HTR4: variants seen among roughly 807,000 people sequenced by gnomAD.
HTR4 encodes the protein 5-hydroxytryptamine receptor 4.
In HTR4, 16 loss-of-function variants were observed where a neutral mutation model predicts 36.8. The observed-to-expected ratio is 0.43, with a 90% confidence interval of 0.29 to 0.66. The LOEUF is 0.66. Among genes scored for constraint, HTR4 ranks in the 30% least tolerant of loss-of-function variants. HTR4 has a pLI of 0.13. For synonymous variants in HTR4, 189 were observed against 185.1 expected, an observed-to-expected ratio of 1.02 and a Z score of -0.17; for missense variants, 438 against 490.9, an observed-to-expected ratio of 0.89 and a Z score of 1.02.
At chr5:148,604,376 G>A (rs1752052362) in intron 2 of HTR4, among the ~76,000 whole-genome samples, 1 of 151,934 alleles carries the variant, frequency 6.6e-6, no homozygotes, top group South Asian at 2.1e-4. Flanking sequence ...TAAAAAAAAA[G>A]ATATCAATAC....
intron 2 of HTR4, among the ~76,000 whole-genome samples, chr5:148,565,626 C>A (rs1343383469): frequency 6.6e-6 from 1 of 152,072 alleles, no homozygotes; most frequent in Non-Finnish European, 1.5e-5. Context: ...AAAGGCTCTG[C>A]ATTCTATTCC....
At chr5:148,584,651 G>A (rs1305618815) in intron 2 of HTR4, among the ~76,000 whole-genome samples, 1 of 151,996 alleles carries the variant, frequency 6.6e-6, no homozygotes, top group Non-Finnish European at 1.5e-5. Context: ...TTTTGTTTGG[G>A]GGCACCAATA....
intron 4 of HTR4, among the ~76,000 whole-genome samples, chr5:148,533,928 A>G (rs769609828): frequency 4.6e-5 from 7 of 152,218 alleles, no homozygotes; most frequent in Non-Finnish European, 1.0e-4. Context: ...GCTCTACATT[A>G]TTTAACAAAT....
chr5:148,594,649 C>A (rs1020611813), intron 2 of HTR4, among the ~76,000 whole-genome samples: 3 of 151,936 alleles, frequency 2.0e-5, no homozygotes, highest in African/African-American at 7.3e-5. Context: ...CCCGCAACAC[C>A]GAGGTTACAC....
At chr5:148,598,751 AT>A (rs1208327851) in intron 2 of HTR4, among the ~76,000 whole-genome samples, 2 of 152,336 alleles carry the variant, frequency 1.3e-5, no homozygotes, top group African/African-American at 4.8e-5. Context: ...ACTTTTTAGT[AT>A]TGTGTCAGAC....
At chr5:148,551,157 C>G (rs1430857955) in intron 2 of HTR4, among the ~76,000 whole-genome samples, 1 of 152,096 alleles carries the variant, frequency 6.6e-6, no homozygotes, top group African/African-American at 2.4e-5. Context: ...TGCATTCATA[C>G]AGTTACTTGG....
intron 5 of HTR4, among the ~76,000 whole-genome samples, chr5:148,522,944 A>G (rs1005916254): frequency 9.9e-5 from 15 of 152,168 alleles, no homozygotes; most frequent in Admixed American, 5.9e-4. Flanking sequence ...GGGTGATGCA[A>G]AAACAGACAT....
chr5:148,461,686 C>T (rs963041682), intron 5 of HTR4, among the ~76,000 whole-genome samples: 37 of 151,964 alleles, frequency 2.4e-4, no homozygotes, highest in South Asian at 2.1e-4. Flanking sequence ...TTCAACACTT[C>T]TCTATCATAA....
At chr5:148,476,772 A>C (rs1252783710), downstream of HTR4, 9 of 1,613,278 alleles carry the variant, frequency 5.6e-6, no homozygotes, top group Non-Finnish European at 7.6e-6. Flanking sequence ...AAAAGAACGT[A>C]ATTAATGAAC....
At chr5:148,541,236 T>C (rs1009587035) in intron 4 of HTR4, among the ~76,000 whole-genome samples, 9 of 152,310 alleles carry the variant, frequency 5.9e-5, no homozygotes, top group Admixed American at 2.0e-4. Flanking sequence ...GGTCTCATTC[T>C]TAACCACTTT....
At chr5:148,497,908 T>G (rs1756758963) in intron 6 of HTR4, among the ~76,000 whole-genome samples, 1 of 152,242 alleles carries the variant, frequency 6.6e-6, no homozygotes, top group South Asian at 2.1e-4. Flanking sequence ...CTATGTAACC[T>G]ATATGTCTAG....
At chr5:148,497,396 A>G (rs1161417583) in intron 6 of HTR4, among the ~76,000 whole-genome samples, 2 of 152,226 alleles carry the variant, frequency 1.3e-5, no homozygotes, top group Non-Finnish European at 2.9e-5. Context: ...ATTTTCCTGG[A>G]AGATGATTAT....
At chr5:148,612,293 G>A (rs1561649618) in intron 2 of HTR4, among the ~76,000 whole-genome samples, 1 of 150,552 alleles carries the variant, frequency 6.6e-6, no homozygotes, top group Non-Finnish European at 1.5e-5. Context: ...GCTCTCCTCA[G>A]CAAATGTAAA....
At chr5:148,618,251 C>A (rs1752778275) in intron 2 of HTR4, among the ~76,000 whole-genome samples, 1 of 152,120 alleles carries the variant, frequency 6.6e-6, no homozygotes, top group Non-Finnish European at 1.5e-5. Flanking sequence ...AACTCAAGAA[C>A]CCAAGAGTCA....
chr5:148,543,843 AG>A (rs1759239012), intron 4 of HTR4, among the ~76,000 whole-genome samples: 1 of 152,148 alleles, frequency 6.6e-6, no homozygotes, highest in Admixed American at 6.5e-5. Flanking sequence ...AGAGATGGTG[AG>A]GGCTCCCTTA....
At chr5:148,567,725 C>T (rs13166761) in intron 2 of HTR4, among the ~76,000 whole-genome samples, 35,710 of 151,968 alleles carry the variant, frequency 0.23, 5,094 homozygotes, top group Non-Finnish European at 0.32. Flanking sequence ...CCCTTTTTGT[C>T]TTCACTTAGG....
chr5:148,490,971 T>C, intron 6 of HTR4: 1 of 378,276 alleles, frequency 2.6e-6, no homozygotes. Flanking sequence ...GCATTTACCC[T>C]CTTCTGAACA....
At chr5:148,588,755 T>C in intron 2 of HTR4, among the ~76,000 whole-genome samples, 1 of 151,230 alleles carries the variant, frequency 6.6e-6, no homozygotes, top group Non-Finnish European at 1.5e-5. Flanking sequence ...TTAGCCAGGA[T>C]GGTCTTGATC....
At chr5:148,542,419 A>G (rs1409952364) in intron 4 of HTR4, among the ~76,000 whole-genome samples, 1 of 152,230 alleles carries the variant, frequency 6.6e-6, no homozygotes, top group Non-Finnish European at 1.5e-5. Context: ...TATCTCCAGC[A>G]CAAGATTAAA....
Sources: gnomAD v4.1 joint callset for allele counts (sites outside exome capture counted in the v4.1 genomes callset) on GRCh38, gnomAD v4.1.1 for gene constraint, MANE v1.5 for transcripts, NCBI Gene and HGNC (gene_info 2026-07-23, HGNC 2026-07-21) for gene names.